KDM3B: variants seen among roughly 807,000 people sequenced by gnomAD.
KDM3B encodes the protein lysine-specific demethylase 3B.
KDM3B carries 10 observed loss-of-function variants against 170.0 expected under a neutral mutation model. That is an observed-to-expected ratio of 0.06 (90% CI 0.04 to 0.10). The LOEUF (loss-of-function observed/expected upper bound fraction) is 0.10. KDM3B is among the 10% of genes least tolerant of loss of function. KDM3B has a pLI of 1.00. For missense variants in KDM3B, 1,394 were observed against 2,195.2 expected, an observed-to-expected ratio of 0.64 and a Z score of 7.29; for synonymous variants, 831 against 834.8, an observed-to-expected ratio of 1.00 and a Z score of 0.08.
At chr5:138,394,427 A>G (rs1301285113) in intron 9 of KDM3B, among the ~76,000 whole-genome samples, 1 of 152,154 alleles carries the variant, frequency 6.6e-6, no homozygotes, top group Non-Finnish European at 1.5e-5. Context: ...ACTATGAGAA[A>G]AATAAGGAAA....
intron 1 of KDM3B, among the ~76,000 whole-genome samples, chr5:138,369,638 T>C (rs1295771389): frequency 6.6e-6 from 1 of 152,194 alleles, no homozygotes; most frequent in Admixed American, 6.5e-5. Flanking sequence ...GACAGTGTGT[T>C]AAATAGGTCC....
At chr5:138,415,327 C>T in intron 12 of KDM3B, 88 bp downstream of exon 12, 1 of 691,700 alleles carries the variant, frequency 1.4e-6, no homozygotes, top group Non-Finnish European at 2.4e-6. Flanking sequence ...AATGATTTAG[C>T]CTCATTTTTT....
At position 138,407,645 on chromosome 5, in the gene KDM3B, G is replaced by A. The variant is rs113063867; in HGVS notation, c.3200-7487G>A. 9.6e-3 allele frequency among the ~76,000 whole-genome samples: 1,468 copies of A among 152,264 alleles called. 16 individuals are homozygous for A. Among genetic ancestry groups the A allele is most frequent in the Non-Finnish European group, 0.015 (1,006 of 68,010 alleles). On this transcript the variant is annotated intron_variant, in intron 11 of 23. Transcript: ENST00000314358. ...CATTCATCAAAACGCAACATCTGGT[G>A]GAGGCAAACCAGTGTTACAACCCAT... is the stretch of plus-strand genomic sequence containing the variant.
intron 5 of KDM3B, among the ~76,000 whole-genome samples, chr5:138,380,383 TAA>T (rs745809549): frequency 2.9e-4 from 43 of 149,766 alleles, no homozygotes; most frequent in Admixed American, 2.7e-4. Flanking sequence ...TATAATTATA[TAA>T]GTCACACTTT....
intron 21 of KDM3B, 106 bp from the exon 22 acceptor site, chr5:138,430,143 A>C: frequency 7.2e-7 from 1 of 1,390,616 alleles, no homozygotes; most frequent in East Asian, 2.5e-5. Flanking sequence ...GACTAGAATA[A>C]AGTTTTGCCA....
rs1275420605 is a variant in KDM3B, at chr5:138,426,939, C to G, written c.4412-36C>G. The G allele has an allele frequency of 2.6e-6, 4 of 1,510,600 alleles. No individual in the cohort carries two copies. The African/African-American group carries it at 5.5e-5, about 21-fold the overall frequency. 93.6% of individuals were successfully genotyped at this position (1,510,600 alleles called of 1,614,324 possible). ...GTTGAAAATCGGACACCAGCCAAAC[C>G]AGCAGATGTTTGTGGGAGTATTCTC... On this transcript the variant is annotated intron_variant, in intron 17 of 23. Transcript: ENST00000314358.
At position 138,391,448 on chromosome 5, in the gene KDM3B, C is replaced by T. The variant is rs1561773431; in HGVS notation, c.1816C>T (p.Pro606Ser). 7.4e-6 allele frequency: 12 copies of T among 1,614,106 alleles called. No homozygotes were observed. The highest frequency in any genetic ancestry group is 9.3e-6 in the Non-Finnish European group (11 of 1,180,016). ...CATGCCCACCCTCACTCCAGCCTTCCCACGGAGCCTCCTAAATGCCCGTAC... is the reference window on the plus strand; with the variant it reads ...CATGCCCACCCTCACTCCAGCCTTCTCACGGAGCCTCCTAAATGCCCGTAC... The part of the protein sequence containing the change: ...ESMPTLTPAF[P>S]RSLLNARTPE... The change falls in exon 8 of 24, where the codon CCA (proline) becomes TCA (serine). Residue 606 changes from proline to serine, a missense_variant. Physicochemically the swap from Pro to Ser is moderately conservative, Grantham distance 74 (BLOSUM62 -1). Around this residue, in one of 19 missense-constraint regions of KDM3B, gnomAD observed 294 missense variants for 311.7 expected, o/e 0.94. Transcript: ENST00000314358. This position sits in a 1 kb window ranked among gnomAD's most constrained non-coding sequence, Gnocchi z 5.0.
At chr5:138,382,062 C>T (rs1203841188) in intron 6 of KDM3B, among the ~76,000 whole-genome samples, 2 of 151,838 alleles carry the variant, frequency 1.3e-5, no homozygotes. Flanking sequence ...GTTCAGTGCT[C>T]AGCCCCCAGT....
intron 13 of KDM3B, 187 bp downstream of exon 13, chr5:138,417,797 A>G: frequency 1.8e-6 from 1 of 559,122 alleles, no homozygotes. Context: ...TGATTGGTAC[A>G]GTTTCTCTTC....
chr5:138,401,044 G>A (rs1762679331), intron 11 of KDM3B, among the ~76,000 whole-genome samples: 1 of 151,894 alleles, frequency 6.6e-6, no homozygotes, highest in African/African-American at 2.4e-5. Flanking sequence ...AGGCCAAGGC[G>A]GGCAGATCAC....
intron 1 of KDM3B, among the ~76,000 whole-genome samples, chr5:138,369,846 T>C (rs1761831183): frequency 1.3e-5 from 2 of 152,210 alleles, no homozygotes. Context: ...CTTTATTTAA[T>C]TTTCACAACC....
intron 6 of KDM3B, among the ~76,000 whole-genome samples, chr5:138,384,698 C>G (rs990779713): frequency 1.3e-5 from 2 of 148,330 alleles, no homozygotes; most frequent in Admixed American, 1.4e-4. Context: ...GAAATCACAC[C>G]ATCGCACTCC....
At chr5:138,412,302 C>T (rs1049574117) in intron 11 of KDM3B, among the ~76,000 whole-genome samples, 1 of 151,606 alleles carries the variant, frequency 6.6e-6, no homozygotes, top group African/African-American at 2.4e-5. Flanking sequence ...CACCACTGCA[C>T]TCCAGCCTGG....
chr5:138,432,623 C>T (rs1217528467), intron 23 of KDM3B, among the ~76,000 whole-genome samples: 1 of 151,922 alleles, frequency 6.6e-6, no homozygotes, highest in East Asian at 1.9e-4. Context: ...GAGCTGAGAT[C>T]ACGTCACTGC....
chr5:138,418,333 G>T (rs947021719), intron 13 of KDM3B, among the ~76,000 whole-genome samples: 12 of 152,026 alleles, frequency 7.9e-5, no homozygotes, highest in African/African-American at 2.7e-4. Context: ...ACCCACCTTG[G>T]ACTCCCAAGA....
intron 1 of KDM3B, among the ~76,000 whole-genome samples, chr5:138,371,192 G>C (rs1761864977): frequency 6.6e-6 from 1 of 152,156 alleles, no homozygotes. Context: ...AGCCAGGGTA[G>C]CTCACGCCTG....
intron 5 of KDM3B, among the ~76,000 whole-genome samples, chr5:138,380,328 GTTATATGATATATAAT>G (rs1561766068): frequency 6.7e-6 from 1 of 148,396 alleles, no homozygotes; most frequent in East Asian, 1.9e-4. Flanking sequence ...ATATATATGA[GTTATATGATATATAAT>G]TTATATGATA....
intron 4 of KDM3B, among the ~76,000 whole-genome samples, chr5:138,378,250 T>G (rs1367072030): frequency 2.0e-5 from 3 of 152,206 alleles, no homozygotes; most frequent in Non-Finnish European, 2.9e-5. Context: ...TCTTAAATAT[T>G]GCCATGTACT....
At chr5:138,356,007 T>G (rs1480369156) in intron 1 of KDM3B, among the ~76,000 whole-genome samples, 1 of 152,222 alleles carries the variant, frequency 6.6e-6, no homozygotes, top group Non-Finnish European at 1.5e-5. Context: ...TGCCTTTTTT[T>G]TCTTTCATTT....
Sources: gnomAD v4.1 joint callset for allele counts (sites outside exome capture counted in the v4.1 genomes callset) on GRCh38, gnomAD v4.1.1 for gene constraint, gnomAD v4.1.1 regional missense constraint, Gnocchi (gnomAD v3.1) non-coding constraint, MANE v1.5 for transcripts, NCBI Gene and HGNC (gene_info 2026-07-23, HGNC 2026-07-21) for gene names.